The following DNAH11 variants were observed in gnomAD, a reference collection of about 807,000 sequenced individuals.
The protein encoded by DNAH11 is dynein axonemal heavy chain 11.
DNAH11 carries 442 observed loss-of-function variants against 526.0 expected under a neutral mutation model. The ratio of observed to expected loss-of-function variants is 0.84; its 90% CI spans 0.78 to 0.91. DNAH11 has a LOEUF of 0.91. DNAH11 is among the 40% of genes least tolerant of loss of function. The probability of loss-of-function intolerance (pLI) is 0.00; values close to 1 mark genes in which losing one functional copy is unlikely to be tolerated. For synonymous variants in DNAH11, 2,461 were observed against 1,935.9 expected, an observed-to-expected ratio of 1.27 and a Z score of -7.12; for missense variants, 6,989 against 5,448.7, an observed-to-expected ratio of 1.28 and a Z score of -8.90.
chr7:21,734,389 TAGC>T (rs1304693383), intron 45 of DNAH11, among the ~76,000 whole-genome samples: 1 of 152,210 alleles, frequency 6.6e-6, no homozygotes, highest in African/African-American at 2.4e-5. Context: ...TGATGACAAC[TAGC>T]AGCAAGAAAG....
chr7:21,647,950 T>A (rs1176620521), intron 28 of DNAH11, among the ~76,000 whole-genome samples: 9 of 152,186 alleles, frequency 5.9e-5, no homozygotes, highest in Non-Finnish European at 1.5e-5. Flanking sequence ...GATGGAAATT[T>A]GGATCTATAC....
intron 74 of DNAH11, among the ~76,000 whole-genome samples, chr7:21,880,340 A>G (rs1415191034): frequency 6.6e-6 from 1 of 152,192 alleles, no homozygotes; most frequent in Non-Finnish European, 1.5e-5. Context: ...ATAGCATTCT[A>G]CTACAGTGAT....
chr7:21,714,931 T>C (rs1042832428), intron 42 of DNAH11, among the ~76,000 whole-genome samples: 2 of 152,228 alleles, frequency 1.3e-5, no homozygotes, highest in Non-Finnish European at 1.5e-5. Flanking sequence ...ATACTCTTTC[T>C]TCTATTACTT....
At chr7:21,676,373 G>A (rs1033802879) in intron 30 of DNAH11, among the ~76,000 whole-genome samples, 19 of 152,276 alleles carry the variant, frequency 1.2e-4, no homozygotes, top group African/African-American at 4.6e-4. Flanking sequence ...GCTAAGGAGT[G>A]TTTTCTATGT....
chr7:21,660,281 A>G (rs371355062), intron 30 of DNAH11, among the ~76,000 whole-genome samples: 19 of 152,176 alleles, frequency 1.2e-4, no homozygotes, highest in Admixed American at 1.3e-4. Context: ...CATTATGCAT[A>G]TAAGTAAGGA....
At chr7:21,681,924 T>A (rs1036773631) in intron 31 of DNAH11, among the ~76,000 whole-genome samples, 3 of 152,054 alleles carry the variant, frequency 2.0e-5, no homozygotes, top group African/African-American at 4.8e-5. Context: ...TCAAAAAAAA[T>A]TTTATCACAG....
At chr7:21,779,309 T>C (rs1174631965) in intron 57 of DNAH11, among the ~76,000 whole-genome samples, 2 of 152,188 alleles carry the variant, frequency 1.3e-5, no homozygotes, top group Non-Finnish European at 2.9e-5. Flanking sequence ...TTAGCTCTTT[T>C]AATGATATGA....
rs1257622385 is a variant in DNAH11, at chr7:21,710,836, G to A, written c.6834+133G>A. 8.8e-6 allele frequency: 8 copies of A among 906,152 alleles called. No individual in the cohort carries two copies. The East Asian group carries it at 1.2e-4, about 13-fold the overall frequency. 56.1% of individuals were successfully genotyped at this position (906,152 alleles called of 1,614,324 possible). On this transcript the variant is annotated intron_variant, in intron 41 of 81. Coordinates refer to ENST00000409508, the MANE Select transcript of DNAH11 (RefSeq NM_001277115.2). ...CTTTATGTAATTATTATTTTGATAAGTGTTGCTTTCCTGATAATTTTCTTA... is the reference window on the plus strand; with the variant it reads ...CTTTATGTAATTATTATTTTGATAAATGTTGCTTTCCTGATAATTTTCTTA...
chr7:21,559,993 C>T (rs1000898707), intron 4 of DNAH11, among the ~76,000 whole-genome samples: 1 of 152,126 alleles, frequency 6.6e-6, no homozygotes, highest in African/African-American at 2.4e-5. Context: ...AATATTTTGA[C>T]AGCATTTGAG....
In DNAH11 at chr7:21,880,843, C is replaced by G. The variant is rs1158955891; in HGVS notation, c.12337C>G (p.Leu4113Val). The part of the protein sequence containing the change: ...SRSYPFNPGD[L>V]TICASVLYNY... ...AAGCTATCCTTTTAATCCTGGAGACCTCACCATTTGTGCCAGTGTCCTCTA... is the reference window on the plus strand; with the variant it reads ...AAGCTATCCTTTTAATCCTGGAGACGTCACCATTTGTGCCAGTGTCCTCTA... Residue 4113 changes from leucine (L) to valine (V), a missense_variant, in exon 75 of 82, where the codon CTC (leucine) becomes GTC (valine). By Grantham distance (32) the Leu-to-Val change is conservative (BLOSUM62 1). Transcript: ENST00000409508. 1 of 1,613,562 alleles carries G rather than the reference C, an allele frequency of 6.2e-7. No individual in the cohort carries two copies. The highest frequency in any genetic ancestry group is 1.3e-5 in the African/African-American group (1 of 74,914).
chr7:21,599,709 A>G (rs1234385291), intron 14 of DNAH11, 78 bp from the exon 15 acceptor site: 2 of 1,131,182 alleles, frequency 1.8e-6, no homozygotes, highest in African/African-American at 1.6e-5. Context: ...TTCTTTTACA[A>G]ACTATTTAAA....
rs77529464 is a variant in DNAH11 at position 21,692,880 on chromosome 7, A to G, written c.6041+1999A>G. On this transcript the variant is annotated intron_variant, in intron 35 of 81. Transcript: ENST00000409508. ...TTAGCCAATCTAATAGATAGGTAGT[A>G]CTGTGTCCTCCTAGGTTTAGTTTGC... 8.8e-3 allele frequency among the ~76,000 whole-genome samples: 1,344 copies of G among 152,314 alleles called. 120 individuals are homozygous for G. In the East Asian group the frequency reaches 0.2, roughly 23 times the overall value.
Position 21,794,405 on chromosome 7 carries a change from AG to A in DNAH11, c.10026+5065del, listed in dbSNP as rs1181525336. On this transcript the variant is annotated intron_variant, in intron 61 of 81. Transcript: ENST00000409508. The stretch of plus-strand genomic sequence containing the variant: ...GTCTTTCTAGAGTATGTTTGCTTAG[AG>A]GTTATTTGTAGTCACCTGTTGAGTT... Among the ~76,000 whole-genome samples, 26 of 152,194 alleles carry A rather than the reference AG, an allele frequency of 1.7e-4. No individual in the cohort carries two copies. In the East Asian group the frequency reaches 4.8e-3, roughly 28 times the overall value.
intron 66 of DNAH11, among the ~76,000 whole-genome samples, chr7:21,848,173 A>AAAAAAAAAG (rs1289469621): frequency 0.013 from 1,895 of 151,346 alleles, 104 homozygotes; most frequent in African/African-American, 0.043. Flanking sequence ...TTTCAAAAAA[A>AAAAAAAAAG]AAAAAAAAAA....
intron 61 of DNAH11, among the ~76,000 whole-genome samples, chr7:21,800,733 A>G (rs1345304706): frequency 6.6e-6 from 1 of 152,232 alleles, no homozygotes; most frequent in East Asian, 1.9e-4. Flanking sequence ...AAGAGAAAAG[A>G]ATCCGTGGGT....
chr7:21,572,540 T>G (rs1028309774), intron 8 of DNAH11, among the ~76,000 whole-genome samples: 1 of 152,232 alleles, frequency 6.6e-6, no homozygotes, highest in African/African-American at 2.4e-5. Context: ...TGAGCATCCC[T>G]GCAGTTCTAG....
chr7:21,639,537 C>T (rs1356946674), intron 28 of DNAH11, among the ~76,000 whole-genome samples: 1 of 152,122 alleles, frequency 6.6e-6, no homozygotes. Flanking sequence ...AGGATCATCC[C>T]GAATTAACCC....
At chr7:21,745,100 A>G (rs1337359867) in intron 51 of DNAH11, 37 bp downstream of exon 51, 3 of 1,568,776 alleles carry the variant, frequency 1.9e-6, no homozygotes, top group Non-Finnish European at 2.6e-6. Flanking sequence ...CCACAAAAGG[A>G]AGAATGGCTG....
Position 21,739,660 on chromosome 7 carries a change from A to G in DNAH11, c.7901A>G (p.Asn2634Ser), listed in dbSNP as rs9639393. 0.6 allele frequency: 962,871 copies of G among 1,610,198 alleles called. 300,973 individuals are homozygous for G. Among genetic ancestry groups the G allele is most frequent in the Non-Finnish European group, 0.65 (763,104 of 1,177,692 alleles). Residue 2634 changes from asparagine to serine, a missense_variant, in exon 48 of 82, where the codon AAT becomes AGT. Coordinates refer to ENST00000409508, the MANE Select transcript of DNAH11 (RefSeq NM_001277115.2). ...CCGATGGTGGGCAGCTTCACCATCAATCCCAGGCTACAGGTAGGGTGTTGA... is the reference window on the plus strand; with the variant it reads ...CCGATGGTGGGCAGCTTCACCATCAGTCCCAGGCTACAGGTAGGGTGTTGA... ...MNPMVGSFTI[N>S]PRLQRHFTVF...
Sources: gnomAD v4.1 joint callset for allele counts (sites outside exome capture counted in the v4.1 genomes callset) on GRCh38, gnomAD v4.1.1 for gene constraint, MANE v1.5 for transcripts, NCBI Gene and HGNC (gene_info 2026-07-23, HGNC 2026-07-21) for gene names.